CTU1: variants seen among roughly 807,000 people sequenced by gnomAD.
The protein encoded by CTU1 is cytosolic thiouridylase subunit 1.
In CTU1, 15 loss-of-function variants were observed where a neutral mutation model predicts 12.9. The ratio of observed to expected loss-of-function variants is 1.16; its 90% CI spans 0.78 to 1.79. The LOEUF (loss-of-function observed/expected upper bound fraction) is 1.79, where lower values mean the gene tolerates loss of function less well. CTU1 is among the 40% of genes most tolerant of loss of function. The pLI, the probability that CTU1 is intolerant of heterozygous loss-of-function variation, is 0.00. For missense variants in CTU1, 553 were observed against 550.5 expected (o/e 1.00, Z -0.05); for synonymous variants, 295 against 275.6 (o/e 1.07, Z -0.70).
intron 2 of CTU1, among the ~76,000 whole-genome samples, chr19:51,102,921 C>A (rs2091910659): frequency 1.3e-5 from 2 of 152,204 alleles, no homozygotes; most frequent in Admixed American, 1.3e-4. Context: ...TCTGTGTGTA[C>A]ACATAGTCCA....
chr19:51,104,417 G>A lies in CTU1; in HGVS notation c.153C>T (p.Gly51=). 8.2e-7 allele frequency: 1 copy of A among 1,223,012 alleles called. No homozygotes were observed. The highest frequency in any genetic ancestry group is 2.5e-5 in the South Asian group (1 of 40,630). 75.8% of individuals were successfully genotyped at this position (1,223,012 alleles called of 1,614,324 possible). A position where few individuals can be genotyped will look rare whatever the true frequency, so the allele number is the denominator to read the frequency against. The part of the protein sequence containing the change: ...TVLAGRLLPP[G]AVVAVGASGG... ...CCGAGGCGCCCACGGCCACCACCGCGCCGGGCGGCAGCAGGCGGCCGGCGA... is the reference window on the plus strand; with the variant it reads ...CCGAGGCGCCCACGGCCACCACCGCACCGGGCGGCAGCAGGCGGCCGGCGA... The change falls in exon 2 of 3, where the codon GGC becomes GGT. Residue 51 remains glycine (G), a synonymous_variant. Coordinates refer to ENST00000421832, the MANE Select transcript of CTU1 (RefSeq NM_145232.4).
In CTU1 at chr19:51,098,644, T is replaced by C; in HGVS notation, c.1004A>G (p.Asp335Gly). Reference protein sequence around the residue: ...DEEATPGTPGDPARPPASKAV... With the variant: ...DEEATPGTPGGPARPPASKAV... ...CTTGGAGGCGGGGGGCCGGGCCGGA[T>C]CCCCGGGCGTCCCCGGCGTCGCCTC... The change falls in exon 3 of 3, where the codon GAT (aspartate) becomes GGT (glycine). Residue 335 changes from aspartate to glycine, a missense_variant. Coordinates refer to ENST00000421832, the MANE Select transcript of CTU1 (RefSeq NM_145232.4). The surrounding 1 kb of genome is among the most constrained non-coding windows in gnomAD (Gnocchi z 4.3). 1 of 1,308,902 alleles carries C rather than the reference T, an allele frequency of 7.6e-7. No homozygotes were observed. Among genetic ancestry groups the C allele is most frequent in the South Asian group, 2.0e-5 (1 of 49,368 alleles). 81.1% of individuals were successfully genotyped at this position (1,308,902 alleles called of 1,614,324 possible).
chr19:51,107,483 C>T (rs574235477), intron 1 of CTU1, among the ~76,000 whole-genome samples: 174 of 152,120 alleles, frequency 1.1e-3, no homozygotes, highest in African/African-American at 3.9e-3. Context: ...AAGTGGGATT[C>T]GTTTGGCTGC....
In CTU1 at chr19:51,098,993, T is replaced by C; in HGVS notation, c.655A>G (p.Lys219Glu). The C allele has an allele frequency of 7.1e-6, 11 of 1,539,932 alleles. No individual in the cohort carries two copies. The highest frequency in any genetic ancestry group is 9.6e-6 in the Non-Finnish European group (11 of 1,149,198). The stretch of plus-strand genomic sequence containing the variant: ...AAGTGCGCGTACAGCACCACCTCCT[T>C]CTGCGAGGCGAACTGCAGCGGGCGG... ...RCRPLQFASQ[K>E]EVVLYAHFRR... Residue 219 changes from lysine (K) to glutamate (E), a missense_variant, in exon 3 of 3, where the codon AAG becomes GAG. Physicochemically the swap from Lys to Glu is moderately conservative, Grantham distance 56 (BLOSUM62 1). This residue lies in a region of CTU1 where 500 missense variants were observed against 458.5 expected (regional missense o/e 1.09). Transcript: ENST00000421832. The surrounding 1 kb of genome is among the most constrained non-coding windows in gnomAD (Gnocchi z 4.3).
At chr19:51,100,883 C>T (rs567797837) in intron 2 of CTU1, among the ~76,000 whole-genome samples, 57 of 151,898 alleles carry the variant, frequency 3.8e-4, no homozygotes, top group Non-Finnish European at 7.4e-4. Context: ...CCTCTGACAA[C>T]CCAGACTGTA....
chr19:51,099,304 G>C (rs1599806016), intron 2 of CTU1, among the ~76,000 whole-genome samples, 165 bp from the exon 3 acceptor site: 1 of 152,158 alleles, frequency 6.6e-6, no homozygotes, highest in East Asian at 1.9e-4. Context: ...GAGAGAGACG[G>C]CGACGGGGAG....
At chr19:51,102,299 G>A (rs141188797) in intron 2 of CTU1, among the ~76,000 whole-genome samples, 223 of 152,248 alleles carry the variant, frequency 1.5e-3, no homozygotes, top group African/African-American at 5.1e-3. Flanking sequence ...CACTGTGCCC[G>A]GCCGAAGCCT....
Position 51,098,117 on chromosome 19 carries a change from GA to G in CTU1, c.*483del, listed in dbSNP as rs1344026293. The G allele has an allele frequency of 6.6e-6, 1 of 152,222 alleles. No individual in the cohort carries two copies. Among genetic ancestry groups the G allele is most frequent in the Admixed American group, 6.5e-5 (1 of 15,284 alleles). 9.4% of individuals were successfully genotyped at this position (152,222 alleles called of 1,614,324 possible). A position where few individuals can be genotyped will look rare whatever the true frequency, so the allele number is the denominator to read the frequency against. ...CGCTTACCCCACTGCGGGCAAACAG[GA>G]AACATCAGGAATCTGATGCTCAAGG... On this transcript the variant is annotated 3_prime_UTR_variant, in exon 3 of 3. Coordinates refer to ENST00000421832, the MANE Select transcript of CTU1 (RefSeq NM_145232.4). This position sits in a 1 kb window ranked among gnomAD's most constrained non-coding sequence, Gnocchi z 4.3.
intron 1 of CTU1, among the ~76,000 whole-genome samples, chr19:51,105,299 G>A (rs983895994): frequency 6.6e-6 from 1 of 152,132 alleles, no homozygotes; most frequent in African/African-American, 2.4e-5. Context: ...GGGCCTCCAA[G>A]ATTGAACTCA....
intron 2 of CTU1, among the ~76,000 whole-genome samples, chr19:51,103,466 C>G (rs575182397): frequency 6.6e-6 from 1 of 151,776 alleles, no homozygotes; most frequent in African/African-American, 2.4e-5. Flanking sequence ...GCACCTGTAG[C>G]CCCGGCTACT....
At chr19:51,105,718 C>T (rs1424347772) in intron 1 of CTU1, among the ~76,000 whole-genome samples, 1 of 152,212 alleles carries the variant, frequency 6.6e-6, no homozygotes, top group Admixed American at 6.5e-5. Flanking sequence ...TCTAACCCAG[C>T]GTGCTTCTCC....
In CTU1 at chr19:51,104,256, T is replaced by C. The variant is rs1209921943; in HGVS notation, c.314A>G (p.Gln105Arg). Residue 105 changes from glutamine (Q) to arginine (R), a missense_variant, in exon 2 of 3, where the codon CAG becomes CGG. Around this residue, in one of 2 missense-constraint regions of CTU1, gnomAD observed 500 missense variants for 458.5 expected, o/e 1.09. Coordinates refer to ENST00000421832, the MANE Select transcript of CTU1 (RefSeq NM_145232.4). ...GAGCGGCAGCTCCCAGCGCGCCGCC[T>C]GGCGCCGCACGGCCGCCAACGCCGC... is the stretch of plus-strand genomic sequence containing the variant. The part of the protein sequence containing the change: ...RDAALAAVRR[Q>R]AARWELPLTV... The C allele has an allele frequency of 2.0e-6, 3 of 1,507,926 alleles. No homozygotes were observed. The highest frequency in any genetic ancestry group is 2.9e-5 in the African/African-American group (2 of 69,328). 93.4% of individuals were successfully genotyped at this position (1,507,926 alleles called of 1,614,324 possible). A position where few individuals can be genotyped will look rare whatever the true frequency, so the allele number is the denominator to read the frequency against.
chr19:51,104,463 G>A lies in CTU1; in HGVS notation c.107C>T (p.Ala36Val), dbSNP rs1340409682. The A allele has an allele frequency of 5.4e-6, 7 of 1,305,382 alleles. No individual in the cohort carries two copies. The highest frequency in any genetic ancestry group is 6.8e-6 in the Non-Finnish European group (7 of 1,027,736). 80.9% of individuals were successfully genotyped at this position (1,305,382 alleles called of 1,614,324 possible). Reference protein sequence around the residue: ...CGACFCAAFEAEVLHTVLAGR... With the variant: ...CGACFCAAFEVEVLHTVLAGR... ...GGCGAGCACCGTGTGCAGCACCTCG[G>A]CCTCGAAGGCGGCGCAGAAGCAGGC... The change falls in exon 2 of 3, where the codon GCC (alanine) becomes GTC (valine). Residue 36 changes from alanine (A) to valine (V), a missense_variant. Ala to Val is a moderately conservative substitution (Grantham distance 64). Around this residue, in one of 2 missense-constraint regions of CTU1, gnomAD observed 500 missense variants for 458.5 expected, o/e 1.09. Coordinates refer to ENST00000421832, the MANE Select transcript of CTU1 (RefSeq NM_145232.4).
chr19:51,097,858 G>A lies in CTU1; in HGVS notation c.*743C>T, dbSNP rs1285439335. 1 of 152,208 alleles carries A rather than the reference G, an allele frequency of 6.6e-6. No homozygotes were observed. The highest frequency in any genetic ancestry group is 2.4e-5 in the African/African-American group (1 of 41,398). The allele number at this position is 152,208 out of a possible 1,614,324, so 9.4% of individuals were successfully genotyped here. A position where few individuals can be genotyped will look rare whatever the true frequency, so the allele number is the denominator to read the frequency against. Reference sequence around the variant, plus strand: ...GAGATACCAGGAGAGATTCGAGAGGGGATGGGTGGGGGAGGACCAATTCCA... The same window carrying A: ...GAGATACCAGGAGAGATTCGAGAGGAGATGGGTGGGGGAGGACCAATTCCA... On this transcript the variant is annotated 3_prime_UTR_variant, in exon 3 of 3. Transcript: ENST00000421832.
rs1320074600 is a variant in CTU1, at chr19:51,099,049, G to A, written c.599C>T (p.Ser200Phe). ...CGGCAGGGCGCCCCCCTCGCCGGGAGAGCCCAGGCCCCCGCCCCGGGCCAG... is the reference window on the plus strand; with the variant it reads ...CGGCAGGGCGCCCCCCTCGCCGGGAAAGCCCAGGCCCCCGCCCCGGGCCAG... ...GRLARGGGLG[S>F]PGEGGALPRC... Residue 200 changes from serine to phenylalanine, a missense_variant, in exon 3 of 3, where the codon TCT becomes TTT. By Grantham distance (155) the Ser-to-Phe change is radical (BLOSUM62 -2). Transcript: ENST00000421832. 5.3e-6 allele frequency: 8 copies of A among 1,514,736 alleles called. No homozygotes were observed. The highest frequency in any genetic ancestry group is 2.0e-5 in the Admixed American group (1 of 48,818). The allele number at this position is 1,514,736 out of a possible 1,614,324, so 93.8% of individuals were successfully genotyped here. A position where few individuals can be genotyped will look rare whatever the true frequency, so the allele number is the denominator to read the frequency against.
chr19:51,102,875 G>A (rs1166646084), intron 2 of CTU1, among the ~76,000 whole-genome samples: 3 of 152,020 alleles, frequency 2.0e-5, no homozygotes, highest in Admixed American at 6.6e-5. Context: ...TTTCAAAACC[G>A]TTCCTTGACC....
Position 51,098,849 on chromosome 19 carries a change from C to G in CTU1, c.799G>C (p.Val267Leu), listed in dbSNP as rs1403762134. The change falls in exon 3 of 3, where the codon GTG becomes CTG. Residue 267 changes from valine (V) to leucine (L), a missense_variant. By Grantham distance (32) the Val-to-Leu change is conservative. Coordinates refer to ENST00000421832, the MANE Select transcript of CTU1 (RefSeq NM_145232.4). This position sits in a 1 kb window ranked among gnomAD's most constrained non-coding sequence, Gnocchi z 4.3. ...AGCGCCAGGCGCTCGGCCGAGTGCACGAGGTCCAGCACCGCGGACGGCCGC... is the reference window on the plus strand; with the variant it reads ...AGCGCCAGGCGCTCGGCCGAGTGCAGGAGGTCCAGCACCGCGGACGGCCGC... ...AARPSAVLDL[V>L]HSAERLALAP... The G allele has an allele frequency of 7.0e-6, 9 of 1,279,172 alleles. No homozygotes were observed. The highest frequency in any genetic ancestry group is 9.0e-6 in the Non-Finnish European group (9 of 1,004,038). 79.2% of individuals were successfully genotyped at this position (1,279,172 alleles called of 1,614,324 possible). A position where few individuals can be genotyped will look rare whatever the true frequency, so the allele number is the denominator to read the frequency against.
chr19:51,107,622 C>G (rs2091923666), intron 1 of CTU1, among the ~76,000 whole-genome samples: 1 of 152,092 alleles, frequency 6.6e-6, no homozygotes, highest in South Asian at 2.1e-4. Context: ...GTGGAGCCCA[C>G]AGGACTTGTA....
rs2091895514 is a variant in CTU1 at position 51,098,122 on chromosome 19, A to C, written c.*479T>G. The C allele has an allele frequency of 6.6e-6, 1 of 152,272 alleles. No homozygotes were observed. The highest frequency in any genetic ancestry group is 2.4e-5 in the African/African-American group (1 of 41,264). 9.4% of individuals were successfully genotyped at this position (152,272 alleles called of 1,614,324 possible). A position where few individuals can be genotyped will look rare whatever the true frequency, so the allele number is the denominator to read the frequency against. Reference sequence around the variant, plus strand: ...ACCCCACTGCGGGCAAACAGGAAACATCAGGAATCTGATGCTCAAGGAGGG... The same window carrying C: ...ACCCCACTGCGGGCAAACAGGAAACCTCAGGAATCTGATGCTCAAGGAGGG... On this transcript the variant is annotated 3_prime_UTR_variant, in exon 3 of 3. Transcript: ENST00000421832. The surrounding 1 kb of genome is among the most constrained non-coding windows in gnomAD (Gnocchi z 4.3).
Sources: allele counts gnomAD v4.1 joint callset (sites outside exome capture counted in the v4.1 genomes callset), GRCh38; gene constraint gnomAD v4.1.1; regional missense constraint gnomAD v4.1.1; non-coding constraint Gnocchi (gnomAD v3.1); transcripts MANE v1.5; gene names NCBI Gene and HGNC (gene_info 2026-07-23, HGNC 2026-07-21).